The following ALX3 variants were observed in gnomAD, a reference collection of about 807,000 sequenced individuals.
ALX3 encodes the protein ALX homeobox 3, also known as homeobox protein aristaless-like 3.
Under a neutral mutation model 26.3 loss-of-function variants are expected in ALX3, and 17 were observed. The observed-to-expected ratio is 0.65, with a 90% confidence interval of 0.44 to 0.97. The LOEUF (loss-of-function observed/expected upper bound fraction) is 0.97. Among genes scored for constraint, ALX3 ranks in the 50% least tolerant of loss-of-function variants. The pLI, the probability that ALX3 is intolerant of heterozygous loss-of-function variation, is 0.00. For synonymous variants in ALX3, 208 were observed against 201.4 expected, an observed-to-expected ratio of 1.03 and a Z score of -0.28; for missense variants, 461 against 466.5, an observed-to-expected ratio of 0.99 and a Z score of 0.11.
intron 2 of ALX3, 166 bp from the exon 3 acceptor site, chr1:110,061,729 G>A (rs1653652752): frequency 8.6e-7 from 1 of 1,160,444 alleles, no homozygotes; most frequent in Non-Finnish European, 1.2e-6. Context: ...GGGAAGCCTG[G>A]GAGGAAGCCT....
At chr1:110,065,033 T>A in intron 1 of ALX3, 130 bp from the exon 2 acceptor site, 1 of 992,914 alleles carries the variant, frequency 1.0e-6, no homozygotes, top group Non-Finnish European at 1.4e-6. Context: ...CCCTTCCTCC[T>A]GGCAGCCACC....
rs947770438 is a variant in ALX3, at chr1:110,063,430, C to G, written c.594+1157G>C. 3.3e-5 allele frequency among the ~76,000 whole-genome samples: 5 copies of G among 152,134 alleles called. 1 individual carries two copies. Among genetic ancestry groups the G allele is most frequent in the Admixed American group, 3.3e-4 (5 of 15,274 alleles). On this transcript the variant is annotated intron_variant, in intron 2 of 3. Transcript: ENST00000647563. ...AACGCAGCAGAGAAGGGGAAACAGCCCAAGCCTCTCTCATCCTGTTGGATG... is the reference window on the plus strand; with the variant it reads ...AACGCAGCAGAGAAGGGGAAACAGCGCAAGCCTCTCTCATCCTGTTGGATG...
chr1:110,062,645 G>GTGCGCGCGCGCGCGCGC (rs57279963), intron 2 of ALX3: 1 of 132,300 alleles, frequency 7.6e-6, no homozygotes, highest in African/African-American at 2.8e-5. Flanking sequence ...GTGTGTGTGT[G>GTGCGCGCGCGCGCGCGC]GAGTAATCCG....
At chr1:110,061,955 C>T in intron 2 of ALX3, 1 of 232,262 alleles carries the variant, frequency 4.3e-6, no homozygotes, top group Non-Finnish European at 8.5e-6. Context: ...CCAGGCTACC[C>T]ACCTCATAGC....
intron 2 of ALX3, 152 bp from the exon 3 acceptor site, chr1:110,061,715 GC>G: frequency 8.0e-7 from 1 of 1,244,036 alleles, no homozygotes; most frequent in Non-Finnish European, 1.1e-6. Flanking sequence ...TGTTCTCCAG[GC>G]CAGGGAAGCC....
At chr1:110,063,560 A>G (rs1653704259) in intron 2 of ALX3, among the ~76,000 whole-genome samples, 1 of 152,042 alleles carries the variant, frequency 6.6e-6, no homozygotes, top group Non-Finnish European at 1.5e-5. Flanking sequence ...TGCCTTCACA[A>G]AGGGTCTCTG....
Position 110,060,982 on chromosome 1 carries a change from C to G in ALX3, c.783G>C (p.Val261=), listed in dbSNP as rs1653625604. ...ATGGGGAGGGGATGCCCTCTGGAGACACAAGGCAGGGGCCTCCAGGGCTCC... is the reference window on the plus strand; with the variant it reads ...ATGGGGAGGGGATGCCCTCTGGAGAGACAAGGCAGGGGCCTCCAGGGCTCC... ...GSGSPGGPCL[V]SPEGIPSPCM... The change falls in exon 4 of 4, where the codon GTG becomes GTC. Residue 261 remains valine (V), a synonymous_variant. Coordinates refer to ENST00000647563, the MANE Select transcript of ALX3 (RefSeq NM_006492.3). 3 of 1,612,678 alleles carry G rather than the reference C, an allele frequency of 1.9e-6. No individual in the cohort carries two copies.
chr1:110,062,883 C>T (rs1033412531), intron 2 of ALX3, among the ~76,000 whole-genome samples: 13 of 152,162 alleles, frequency 8.5e-5, no homozygotes, highest in African/African-American at 3.1e-4. Flanking sequence ...GATGAGGGAG[C>T]TTACAGCCAG....
At position 110,060,353 on chromosome 1, in the gene ALX3, A is replaced by T. The variant is rs74117332; in HGVS notation, c.*380T>A. 1 of 160,504 alleles carries T rather than the reference A, an allele frequency of 6.2e-6. No individual in the cohort carries two copies. Among genetic ancestry groups the T allele is most frequent in the South Asian group, 2.0e-4 (1 of 5,126 alleles). 9.9% of individuals were successfully genotyped at this position (160,504 alleles called of 1,614,324 possible). ...ATCTCATCATGAAGAGCTTCAGTCCACGCGGCGTTCTCCTCCCATTTTCCT... is the reference window on the plus strand; with the variant it reads ...ATCTCATCATGAAGAGCTTCAGTCCTCGCGGCGTTCTCCTCCCATTTTCCT... On this transcript the variant is annotated 3_prime_UTR_variant, in exon 4 of 4. Coordinates refer to ENST00000647563, the MANE Select transcript of ALX3 (RefSeq NM_006492.3).
chr1:110,067,917 G>A (rs1456317297), intron 1 of ALX3, among the ~76,000 whole-genome samples: 1 of 152,262 alleles, frequency 6.6e-6, no homozygotes, highest in African/African-American at 2.4e-5. Flanking sequence ...TTTGGCGATC[G>A]GCCGGGTCAT....
intron 2 of ALX3, among the ~76,000 whole-genome samples, chr1:110,063,137 C>G (rs1305425976): frequency 6.6e-6 from 1 of 152,164 alleles, no homozygotes; most frequent in Non-Finnish European, 1.5e-5. Flanking sequence ...CATGGCTACT[C>G]CTGCACCCTC....
Position 110,060,757 on chromosome 1 carries a change from G to A in ALX3, c.1008C>T (p.Pro336=), listed in dbSNP as rs35010218. The A allele has an allele frequency of 1.9e-5, 28 of 1,508,074 alleles. No homozygotes were observed. The highest frequency in any genetic ancestry group is 1.7e-4 in the Middle Eastern group (1 of 5,732). 93.4% of individuals were successfully genotyped at this position (1,508,074 alleles called of 1,614,324 possible). Residue 336 remains proline (P), a synonymous_variant, in exon 4 of 4, where the codon CCC becomes CCT. Transcript: ENST00000647563. ...ATCACGTGGTCCAGTTCAGAAGGCC[G>A]GGTGGCTCCTTGGGCTTTACCCTGA... ...VSLRVKPKEP[P]GLLNWTT
chr1:110,061,472 T>C lies in ALX3; in HGVS notation c.686A>G (p.Asp229Gly), dbSNP rs771081739. Residue 229 changes from aspartate (D) to glycine (G), a missense_variant, in exon 3 of 4, where the codon GAC (aspartate) becomes GGC (glycine). Asp to Gly is a moderately conservative substitution (Grantham distance 94). Coordinates refer to ENST00000647563, the MANE Select transcript of ALX3 (RefSeq NM_006492.3). ...EGRNPFTAAYDISVLPRTDSH... is the reference protein window; with the variant it reads ...EGRNPFTAAYGISVLPRTDSH... ...GTCAGTACGGGGCAGCACAGAGATG[T>C]CATAGGCAGCCGTGAAGGGGTTCCG... 1 of 1,614,176 alleles carries C rather than the reference T, an allele frequency of 6.2e-7. No homozygotes were observed. Among genetic ancestry groups the C allele is most frequent in the East Asian group, 2.2e-5 (1 of 44,870 alleles).
At position 110,064,693 on chromosome 1, in the gene ALX3, A is replaced by G. The variant is rs201420718; in HGVS notation, c.488T>C (p.Phe163Ser). 6.2e-7 allele frequency: 1 copy of G among 1,614,152 alleles called. No homozygotes were observed. Among genetic ancestry groups the G allele is most frequent in the East Asian group, 2.2e-5 (1 of 44,876 alleles). The change falls in exon 2 of 4, where the codon TTC becomes TCC. Residue 163 changes from phenylalanine to serine, a missense_variant. Coordinates refer to ENST00000647563, the MANE Select transcript of ALX3 (RefSeq NM_006492.3). ...KRRNRTTFST[F>S]QLEELEKVFQ... Reference sequence around the variant, plus strand: ...GACCTTCTCCAGCTCCTCCAGCTGGAATGTGCTGAAGGTCGTGCGGTTACG... The same window carrying G: ...GACCTTCTCCAGCTCCTCCAGCTGGGATGTGCTGAAGGTCGTGCGGTTACG...
intron 1 of ALX3, among the ~76,000 whole-genome samples, chr1:110,065,371 T>A (rs1005678481): frequency 6.6e-6 from 1 of 152,112 alleles, no homozygotes; most frequent in Non-Finnish European, 1.5e-5. Flanking sequence ...CACGCCTCTG[T>A]TCCCAGGGCC....
At chr1:110,067,462 G>T (rs909322413) in intron 1 of ALX3, among the ~76,000 whole-genome samples, 1 of 152,206 alleles carries the variant, frequency 6.6e-6, no homozygotes, top group African/African-American at 2.4e-5. Flanking sequence ...GCCTTTTAAC[G>T]TAGTAAAGGA....
In ALX3 at chr1:110,070,572, G is replaced by A; in HGVS notation, c.41C>T (p.Ala14Val). ...CCCCGAGGCCACATAGGGGCCGGGT[G>A]CAGGCCCCACGCGGAAAGGCGCGCA... ...EHCAPFRVGP[A>V]PGPYVASGDE... The change falls in exon 1 of 4, where the codon GCA becomes GTA. Residue 14 changes from alanine to valine, a missense_variant. Physicochemically the swap from Ala to Val is moderately conservative, Grantham distance 64. This residue lies in a region of ALX3 where 241 missense variants were observed against 206.1 expected (regional missense o/e 1.17). Transcript: ENST00000647563. 1 of 1,303,144 alleles carries A rather than the reference G, an allele frequency of 7.7e-7. No homozygotes were observed. The highest frequency in any genetic ancestry group is 9.8e-7 in the Non-Finnish European group (1 of 1,023,990). The allele number at this position is 1,303,144 out of a possible 1,614,324, so 80.7% of individuals were successfully genotyped here. A position where few individuals can be genotyped will look rare whatever the true frequency, so the allele number is the denominator to read the frequency against.
chr1:110,067,788 A>G (rs1366116794), intron 1 of ALX3, among the ~76,000 whole-genome samples: 2 of 152,216 alleles, frequency 1.3e-5, no homozygotes, highest in African/African-American at 4.8e-5. Flanking sequence ...ACTCAAAGCC[A>G]GAGTGGACAT....
intron 2 of ALX3, chr1:110,061,790 G>C (rs1344276470): frequency 4.8e-6 from 3 of 620,498 alleles, no homozygotes; most frequent in Non-Finnish European, 8.2e-6. Flanking sequence ...GCCTCCAGCT[G>C]TCACTCCCCA....
Sources: allele counts gnomAD v4.1 joint callset (sites outside exome capture counted in the v4.1 genomes callset), GRCh38; gene constraint gnomAD v4.1.1; regional missense constraint gnomAD v4.1.1; transcripts MANE v1.5; gene names NCBI Gene and HGNC (gene_info 2026-07-23, HGNC 2026-07-21).